The following PCDHGA11 variants were observed in gnomAD, a reference collection of about 807,000 sequenced individuals.
PCDHGA11 encodes protocadherin gamma-A11.
PCDHGA11 carries 39 observed loss-of-function variants against 60.4 expected under a neutral mutation model. The ratio of observed to expected loss-of-function variants is 0.65; its 90% CI spans 0.50 to 0.84. The LOEUF is 0.84. PCDHGA11 is among the 40% of genes least tolerant of loss of function. The pLI, the probability that PCDHGA11 is intolerant of heterozygous loss-of-function variation, is 0.00. For synonymous variants in PCDHGA11, 533 were observed against 510.3 expected (o/e 1.04, Z -0.60); for missense variants, 1,165 against 1,197.7 (o/e 0.97, Z 0.40).
intron 1 of PCDHGA11, among the ~76,000 whole-genome samples, chr5:141,437,980 C>T (rs1198278358): frequency 1.3e-5 from 2 of 152,050 alleles, no homozygotes; most frequent in Non-Finnish European, 2.9e-5. Flanking sequence ...TTGGGATGCA[C>T]CCACCCCACC....
intron 2 of PCDHGA11, among the ~76,000 whole-genome samples, chr5:141,497,541 T>A (rs1157403777): frequency 1.1e-5 from 1 of 89,566 alleles, no homozygotes; most frequent in Admixed American, 1.2e-4. Context: ...GCAACAAACC[T>A]TTTTTTTTTT....
chr5:141,456,703 G>A (rs528071544), intron 1 of PCDHGA11, among the ~76,000 whole-genome samples: 37 of 152,180 alleles, frequency 2.4e-4, no homozygotes, highest in Non-Finnish European at 4.9e-4. Context: ...GGTGGCTCGC[G>A]CCTGTAATCC....
chr5:141,477,560 T>C lies in PCDHGA11; in HGVS notation c.2434-17247T>C, dbSNP rs2099412994. The C allele has an allele frequency of 1.2e-6, 2 of 1,614,078 alleles. No homozygotes were observed. Among genetic ancestry groups the C allele is most frequent in the South Asian group, 2.2e-5 (2 of 91,094 alleles). ...GGCTCCAATACTAAACCTAAGTGTC[T>C]GGGACCCCGACGCCCCGCAGAATGC... On this transcript the variant is annotated intron_variant, in intron 1 of 3. Transcript: ENST00000398587. This position sits in a 1 kb window ranked among gnomAD's most constrained non-coding sequence, Gnocchi z 4.9.
At chr5:141,478,683 C>G (rs1355955377) in intron 1 of PCDHGA11, 14 of 1,551,164 alleles carry the variant, frequency 9.0e-6, no homozygotes, top group African/African-American at 1.4e-5. Flanking sequence ...CTGGCCCTTC[C>G]TAGATCAAAG....
Position 141,511,040 on chromosome 5 carries a change from C to T in PCDHGA11, c.2675C>T (p.Pro892Leu), listed in dbSNP as rs770767470. The T allele has an allele frequency of 6.2e-7, 1 of 1,614,216 alleles. No individual in the cohort carries two copies. The highest frequency in any genetic ancestry group is 1.7e-5 in the Admixed American group (1 of 60,034). Reference protein sequence around the residue: ...YGPQFTLQHVPDYRQNVYIPG... With the variant: ...YGPQFTLQHVLDYRQNVYIPG... ...CCCCAGTTCACCCTGCAGCACGTGC[C>T]CGACTACCGCCAGAATGTCTACATC... Residue 892 changes from proline (P) to leucine (L), a missense_variant, in exon 4 of 4, where the codon CCC becomes CTC. Physicochemically the swap from Pro to Leu is moderately conservative, Grantham distance 98. Transcript: ENST00000398587.
intron 1 of PCDHGA11, chr5:141,427,884 G>T (rs1346875505): frequency 5.1e-6 from 8 of 1,564,634 alleles, no homozygotes; most frequent in African/African-American, 2.7e-5. Flanking sequence ...GCAGGCCCAC[G>T]ACCAGGGCTC....
At chr5:141,501,198 G>C (rs2299024) in intron 2 of PCDHGA11, among the ~76,000 whole-genome samples, 89,086 of 151,686 alleles carry the variant, frequency 0.59, 27,759 homozygotes, top group African/African-American at 0.8. Context: ...TAAATTCAGG[G>C]TGTTGTCAGG....
chr5:141,431,163 A>G lies in PCDHGA11; in HGVS notation c.2433+7503A>G. On this transcript the variant is annotated intron_variant, in intron 1 of 3. Transcript: ENST00000398587. This position sits in a 1 kb window ranked among gnomAD's most constrained non-coding sequence, Gnocchi z 4.8. ...AACGACAATGCGCCTTACTTTCGTG[A>G]AAGTGAATTAGAAATAAAAATTAGT... 1 of 1,614,246 alleles carries G rather than the reference A, an allele frequency of 6.2e-7. No individual in the cohort carries two copies. Among genetic ancestry groups the G allele is most frequent in the Non-Finnish European group, 8.5e-7 (1 of 1,180,036 alleles).
intron 1 of PCDHGA11, among the ~76,000 whole-genome samples, chr5:141,464,132 G>A (rs1432411937): frequency 6.6e-6 from 1 of 152,076 alleles, no homozygotes; most frequent in Non-Finnish European, 1.5e-5. Flanking sequence ...GGGTGTGGTG[G>A]TGGGCGCCTG....
Position 141,511,349 on chromosome 5 carries a change from C to T in PCDHGA11, c.*176C>T, listed in dbSNP as rs1463242262. The T allele has an allele frequency of 2.1e-6, 3 of 1,401,380 alleles. No homozygotes were observed. The highest frequency in any genetic ancestry group is 2.9e-5 in the African/African-American group (2 of 68,826). 86.8% of individuals were successfully genotyped at this position (1,401,380 alleles called of 1,614,324 possible). The stretch of plus-strand genomic sequence containing the variant: ...GCCCAGTCAGCACCTACCCCTTCCC[C>T]CCCAGGGGGTTGAATATGCAAAAGC... On this transcript the variant is annotated 3_prime_UTR_variant, in exon 4 of 4. Transcript: ENST00000398587.
chr5:141,447,161 C>T (rs1432238455), intron 1 of PCDHGA11, among the ~76,000 whole-genome samples: 1 of 151,728 alleles, frequency 6.6e-6, no homozygotes, highest in East Asian at 1.9e-4. Flanking sequence ...TTTGTTTAAG[C>T]GGGGTCTTGC....
At position 141,421,069 on chromosome 5, in the gene PCDHGA11, A is replaced by T; in HGVS notation, c.-159A>T. ...CGCCTCTACCACACAAAGCGGAATG[A>T]GATGGATACTCACAGATCCTGACAC... On this transcript the variant is annotated 5_prime_UTR_variant, in exon 1 of 4. It introduces an in-frame stop codon into an upstream open reading frame of the 5' UTR. Coordinates refer to ENST00000398587, the MANE Select transcript of PCDHGA11 (RefSeq NM_018914.3). The T allele has an allele frequency of 1.7e-6, 1 of 598,532 alleles. No individual in the cohort carries two copies. The highest frequency in any genetic ancestry group is 2.8e-6 in the Non-Finnish European group (1 of 352,094). The allele number at this position is 598,532 out of a possible 1,614,324, so 37.1% of individuals were successfully genotyped here.
At chr5:141,442,694 C>A (rs549307212) in intron 1 of PCDHGA11, among the ~76,000 whole-genome samples, 22 of 152,304 alleles carry the variant, frequency 1.4e-4, no homozygotes, top group Non-Finnish European at 3.1e-4. Flanking sequence ...GTCAGGCAGA[C>A]AAGAGTATCA....
intron 1 of PCDHGA11, among the ~76,000 whole-genome samples, chr5:141,436,531 G>A (rs1365651055): frequency 2.6e-5 from 4 of 152,152 alleles, no homozygotes; most frequent in South Asian, 2.1e-4. Flanking sequence ...CCTTTAGCAA[G>A]TTATTTAATC....
intron 1 of PCDHGA11, among the ~76,000 whole-genome samples, chr5:141,461,054 T>C (rs984461416): frequency 6.6e-6 from 1 of 151,758 alleles, no homozygotes; most frequent in African/African-American, 2.4e-5. Context: ...GGGACTTAGG[T>C]TGGTTTCACA....
intron 1 of PCDHGA11, among the ~76,000 whole-genome samples, chr5:141,474,248 A>G (rs2099346089): frequency 6.6e-6 from 1 of 152,220 alleles, no homozygotes; most frequent in African/African-American, 2.4e-5. Context: ...TAGGGGAAAA[A>G]AAGACTGATA....
At chr5:141,466,280 C>T (rs1181499549) in intron 1 of PCDHGA11, among the ~76,000 whole-genome samples, 1 of 152,142 alleles carries the variant, frequency 6.6e-6, no homozygotes, top group Admixed American at 6.6e-5. Flanking sequence ...AAGCAATCTT[C>T]CCACCTCAGG....
intron 2 of PCDHGA11, among the ~76,000 whole-genome samples, chr5:141,504,238 G>A (rs1043662594): frequency 2.0e-5 from 3 of 152,228 alleles, no homozygotes; most frequent in African/African-American, 7.2e-5. Flanking sequence ...CTAAGAAGCA[G>A]AGAGTTCTTC....
At position 141,491,093 on chromosome 5, in the gene PCDHGA11, T is replaced by G; in HGVS notation, c.2434-3714T>G. The G allele has an allele frequency of 6.2e-7, 1 of 1,614,160 alleles. No individual in the cohort carries two copies. The highest frequency in any genetic ancestry group is 8.5e-7 in the Non-Finnish European group (1 of 1,180,008). On this transcript the variant is annotated intron_variant, in intron 1 of 3. Transcript: ENST00000398587. This position sits in a 1 kb window ranked among gnomAD's most constrained non-coding sequence, Gnocchi z 6.9. ...TTGCCACAGTCCACAGCCCCAGGAC[T>G]GTTCCTCGTGTCTACACACACTGGT... is the stretch of plus-strand genomic sequence containing the variant.
Sources: gnomAD v4.1 joint callset for allele counts (sites outside exome capture counted in the v4.1 genomes callset) on GRCh38, gnomAD v4.1.1 for gene constraint, Gnocchi (gnomAD v3.1) non-coding constraint, MANE v1.5 for transcripts, NCBI Gene and HGNC (gene_info 2026-07-23, HGNC 2026-07-21) for gene names.